Variants in DOCK10 observed in about 807,000 individuals in gnomAD.
DOCK10 encodes dedicator of cytokinesis protein 10.
Under a neutral mutation model 280.1 loss-of-function variants are expected in DOCK10, and 145 were observed. That is an observed-to-expected ratio of 0.52 (90% confidence interval 0.45 to 0.59). DOCK10 has a LOEUF of 0.59. Among genes scored for constraint, DOCK10 ranks in the 20% least tolerant of loss-of-function variants. The pLI is 0.00. For missense variants in DOCK10, 2,368 were observed against 2,651.7 expected, an observed-to-expected ratio of 0.89 and a Z score of 2.35; for synonymous variants, 915 against 942.2, an observed-to-expected ratio of 0.97 and a Z score of 0.53.
chr2:224,963,767 T>C (rs1029307250), intron 1 of DOCK10, among the ~76,000 whole-genome samples: 1 of 152,228 alleles, frequency 6.6e-6, no homozygotes. Flanking sequence ...GACTGTAACA[T>C]GAAAGTTAGT....
intron 4 of DOCK10, among the ~76,000 whole-genome samples, chr2:224,893,027 TC>T (rs1699791184): frequency 2.0e-5 from 3 of 152,196 alleles, no homozygotes; most frequent in African/African-American, 7.2e-5. Flanking sequence ...AAAGGGCTCA[TC>T]CCAGACCTTA....
chr2:224,854,170 C>T (rs1696948341), intron 16 of DOCK10, among the ~76,000 whole-genome samples: 2 of 151,442 alleles, frequency 1.3e-5, no homozygotes, highest in African/African-American at 4.8e-5. Context: ...CCAAATATCC[C>T]ATGGCAATAG....
intron 1 of DOCK10, among the ~76,000 whole-genome samples, chr2:225,018,851 TTATA>T (rs2106094293): frequency 6.8e-6 from 1 of 146,518 alleles, no homozygotes; most frequent in East Asian, 2.0e-4. Flanking sequence ...ATGTATATCG[TTATA>T]TATGTGTATA....
chr2:224,896,197 G>A (rs1699977453), intron 4 of DOCK10, 98 bp downstream of exon 4: 1 of 658,390 alleles, frequency 1.5e-6, no homozygotes, highest in Non-Finnish European at 2.4e-6. Context: ...CTTGACAGAA[G>A]ATTAATGTAC....
Position 224,801,917 on chromosome 2 carries a change from G to C in DOCK10, c.4392C>G (p.Thr1464=). The C allele has an allele frequency of 6.2e-7, 1 of 1,612,532 alleles. No homozygotes were observed. The change falls in exon 40 of 56, where the codon ACC becomes ACG. Residue 1464 remains threonine (T), a splice_region_variant and synonymous_variant. Transcript: ENST00000258390. ...KLLQMLDNTM[T]SNSNEIDIVH... is the part of the protein sequence containing the mutation. ...TTCCTATTATTTCAGTTTACTTACTGGTCATGGTATTGTCTAACATCTGTA... is the reference window on the plus strand; with the variant it reads ...TTCCTATTATTTCAGTTTACTTACTCGTCATGGTATTGTCTAACATCTGTA...
At chr2:224,950,164 G>C (rs1703647548) in intron 1 of DOCK10, among the ~76,000 whole-genome samples, 4 of 152,186 alleles carry the variant, frequency 2.6e-5, no homozygotes, top group African/African-American at 2.4e-5. Flanking sequence ...CAGATAATTT[G>C]ACCCAGAGAT....
intron 3 of DOCK10, among the ~76,000 whole-genome samples, chr2:224,905,234 ATTTTTT>A (rs201582173): frequency 2.7e-5 from 3 of 111,542 alleles, no homozygotes; most frequent in Non-Finnish European, 5.2e-5. Flanking sequence ...CTATGGAACT[ATTTTTT>A]TTTTTTTTTT....
At chr2:224,852,838 G>T (rs1696839446) in intron 17 of DOCK10, 97 bp downstream of exon 17, 1 of 1,060,468 alleles carries the variant, frequency 9.4e-7, no homozygotes, top group Non-Finnish European at 1.3e-6. Flanking sequence ...ACAGAGTGTT[G>T]CCCCATAGTA....
chr2:224,907,491 T>C (rs1700719638), intron 3 of DOCK10, among the ~76,000 whole-genome samples: 1 of 152,038 alleles, frequency 6.6e-6, no homozygotes. Flanking sequence ...ATCAAGACCA[T>C]CCTGGCTAAC....
At chr2:224,908,503 A>AT (rs1455822447) in intron 3 of DOCK10, among the ~76,000 whole-genome samples, 1 of 147,714 alleles carries the variant, frequency 6.8e-6, no homozygotes, top group African/African-American at 2.5e-5. Context: ...ATTCTTTTTT[A>AT]TTTTTCTACG....
chr2:224,839,777 T>C (rs918857727), intron 24 of DOCK10, among the ~76,000 whole-genome samples, 177 bp downstream of exon 24: 3 of 152,204 alleles, frequency 2.0e-5, no homozygotes, highest in Non-Finnish European at 4.4e-5. Context: ...GTCTAACACT[T>C]TACTACTAAT....
intron 3 of DOCK10, 78 bp downstream of exon 3, chr2:224,916,617 A>G: frequency 3.2e-6 from 3 of 943,134 alleles, no homozygotes; most frequent in South Asian, 3.0e-5. Context: ...CAGGAAGATA[A>G]TAATAGTAAA....
At chr2:225,026,758 G>T (rs1264850391) in intron 1 of DOCK10, among the ~76,000 whole-genome samples, 1 of 152,112 alleles carries the variant, frequency 6.6e-6, no homozygotes. Flanking sequence ...CCTAGGGGGG[G>T]TTTTGTGGGG....
Position 224,819,534 on chromosome 2 carries a change from A to C in DOCK10, c.3184-5T>G. The C allele has an allele frequency of 6.4e-7, 1 of 1,569,452 alleles. No homozygotes were observed. Among genetic ancestry groups the C allele is most frequent in the Non-Finnish European group, 8.6e-7 (1 of 1,158,486 alleles). On this transcript the variant is annotated splice_region_variant and splice_polypyrimidine_tract_variant and intron_variant, in intron 28 of 55. Transcript: ENST00000258390. ...GTCCATAAATGTAAAGCAGCGCTAA[A>C]ATAGATAAAATTCTAAATTTAAACA...
chr2:224,887,144 AT>A (rs1447480114), intron 4 of DOCK10, among the ~76,000 whole-genome samples: 1 of 151,988 alleles, frequency 6.6e-6, no homozygotes, highest in African/African-American at 2.4e-5. Context: ...GGGAGTTTCT[AT>A]TTTCCTTCCC....
chr2:224,873,710 C>T (rs1409500715), intron 11 of DOCK10, among the ~76,000 whole-genome samples: 1 of 151,704 alleles, frequency 6.6e-6, no homozygotes, highest in Non-Finnish European at 1.5e-5. Context: ...AAACACAGTC[C>T]TTTAATGCTT....
intron 23 of DOCK10, 140 bp downstream of exon 23, chr2:224,841,664 T>C (rs781187311): frequency 2.0e-6 from 1 of 504,740 alleles, no homozygotes; most frequent in Non-Finnish European, 3.6e-6. Flanking sequence ...AATAAAATCA[T>C]TTACTCTCTG....
chr2:224,773,559 C>T (rs1690600936), intron 52 of DOCK10, among the ~76,000 whole-genome samples: 1 of 152,088 alleles, frequency 6.6e-6, no homozygotes. Context: ...CCTGTGTGCC[C>T]TTCTGCCTTC....
intron 4 of DOCK10, among the ~76,000 whole-genome samples, chr2:224,892,762 G>C (rs1699774612): frequency 6.6e-6 from 1 of 152,244 alleles, no homozygotes; most frequent in East Asian, 1.9e-4. Context: ...AAGGCAGACA[G>C]TGCTTGGATC....
Sources: gnomAD v4.1 joint callset for allele counts (sites outside exome capture counted in the v4.1 genomes callset) on GRCh38, gnomAD v4.1.1 for gene constraint, MANE v1.5 for transcripts, NCBI Gene and HGNC (gene_info 2026-07-23, HGNC 2026-07-21) for gene names.